Variants in PLCL1 observed in about 807,000 individuals in gnomAD.
PLCL1 encodes the protein phospholipase C like 1 (inactive).
PLCL1 carries 41 observed loss-of-function variants against 84.4 expected under a neutral mutation model. The ratio of observed to expected loss-of-function variants is 0.49; its 90% CI spans 0.38 to 0.63. The LOEUF (loss-of-function observed/expected upper bound fraction) is 0.63. Ranked by LOEUF, PLCL1 falls within the 30% of genes least tolerant of loss-of-function variation. The probability of loss-of-function intolerance (pLI) is 0.00; values close to 1 mark genes in which losing one functional copy is unlikely to be tolerated. For synonymous variants in PLCL1, 490 were observed against 488.3 expected (o/e 1.00, Z -0.05); for missense variants, 1,206 against 1,367.8 (o/e 0.88, Z 1.87).
intron 1 of PLCL1, among the ~76,000 whole-genome samples, chr2:198,062,422 G>A (rs532573660): frequency 7.2e-5 from 11 of 152,194 alleles, no homozygotes; most frequent in African/African-American, 2.2e-4. Flanking sequence ...CAATTTATAC[G>A]TAACTCAATT....
In PLCL1 at chr2:197,805,132, G is replaced by A. The variant is rs1309124656; in HGVS notation, c.33G>A (p.Pro11=). 2.7e-5 allele frequency: 35 copies of A among 1,313,648 alleles called. No individual in the cohort carries two copies. The highest frequency in any genetic ancestry group is 4.2e-5 in the Admixed American group (1 of 24,046). 81.4% of individuals were successfully genotyped at this position (1,313,648 alleles called of 1,614,324 possible). A position where few individuals can be genotyped will look rare whatever the true frequency, so the allele number is the denominator to read the frequency against. MAEGAAGRED[P]APPDAAGGED... is the part of the protein sequence containing the mutation. ...AGGGCGCGGCCGGCAGGGAGGATCC[G>A]GCGCCGCCCGACGCGGCGGGGGGCG... The change falls in exon 1 of 6, where the codon CCG becomes CCA. Residue 11 remains proline (P), a synonymous_variant. Transcript: ENST00000428675. The surrounding 1 kb of genome is among the most constrained non-coding windows in gnomAD (Gnocchi z 4.0).
At chr2:198,087,731 C>A (rs1046583459) in intron 2 of PLCL1, among the ~76,000 whole-genome samples, 2 of 152,034 alleles carry the variant, frequency 1.3e-5, no homozygotes, top group South Asian at 2.1e-4. Flanking sequence ...GTGATGCATA[C>A]CCCATTCTTC....
At position 197,957,041 on chromosome 2, in the gene PLCL1, A is replaced by G. The variant is rs185431236; in HGVS notation, c.241-126717A>G. The stretch of plus-strand genomic sequence containing the variant: ...TTGGTTATTCTCTGTTTTTCCCTTC[A>G]TAGGCATTTGCTTGTGCCACCTCTT... On this transcript the variant is annotated intron_variant, in intron 1 of 5. Coordinates refer to ENST00000428675, the MANE Select transcript of PLCL1 (RefSeq NM_006226.4). Among the ~76,000 whole-genome samples the G allele has an allele frequency of 3.0e-4, 45 of 152,002 alleles. No homozygotes were observed. The East Asian group carries it at 8.7e-3, about 29-fold the overall frequency.
intron 1 of PLCL1, among the ~76,000 whole-genome samples, chr2:197,898,860 C>T (rs950367049): frequency 2.0e-5 from 3 of 151,500 alleles, no homozygotes; most frequent in Non-Finnish European, 4.4e-5. Flanking sequence ...GTATTTACTT[C>T]GAAAAGTTGT....
rs541191926 is a variant in PLCL1 at position 198,077,790 on chromosome 2, C to G, written c.241-5968C>G. ...CCATGGCCCAAAGTAAACTTAGTTTCCACTTCAACTTCACTTCCCCTGATA... is the reference window on the plus strand; with the variant it reads ...CCATGGCCCAAAGTAAACTTAGTTTGCACTTCAACTTCACTTCCCCTGATA... On this transcript the variant is annotated intron_variant, in intron 1 of 5. Coordinates refer to ENST00000428675, the MANE Select transcript of PLCL1 (RefSeq NM_006226.4). Among the ~76,000 whole-genome samples, 18 of 152,302 alleles carry G rather than the reference C, an allele frequency of 1.2e-4. 1 individual carries two copies. The South Asian group carries it at 3.5e-3, about 30-fold the overall frequency.
At chr2:198,020,441 G>A (rs978074847) in intron 1 of PLCL1, among the ~76,000 whole-genome samples, 1 of 152,004 alleles carries the variant, frequency 6.6e-6, no homozygotes, top group African/African-American at 2.4e-5. Context: ...ACACAGACTG[G>A]CAAATTGGAT....
chr2:198,095,351 C>T (rs955554689), intron 3 of PLCL1, among the ~76,000 whole-genome samples: 9 of 152,182 alleles, frequency 5.9e-5, no homozygotes, highest in Admixed American at 3.9e-4. Flanking sequence ...TCTTTTAAGG[C>T]TGATAATGTC....
chr2:197,847,604 A>G (rs979753911), intron 1 of PLCL1, among the ~76,000 whole-genome samples: 1 of 152,190 alleles, frequency 6.6e-6, no homozygotes, highest in Non-Finnish European at 1.5e-5. Context: ...TTGGATTTTT[A>G]TGTGGACATG....
At chr2:198,026,071 A>C (rs1160076405) in intron 1 of PLCL1, among the ~76,000 whole-genome samples, 1 of 152,146 alleles carries the variant, frequency 6.6e-6, no homozygotes, top group Non-Finnish European at 1.5e-5. Flanking sequence ...ATTCCTGGGC[A>C]CTGCATCTGC....
chr2:197,922,554 G>A (rs1191989659), intron 1 of PLCL1, among the ~76,000 whole-genome samples: 1 of 131,832 alleles, frequency 7.6e-6, no homozygotes, highest in Admixed American at 7.7e-5. Context: ...GGTGGTGGCC[G>A]GGCAGAGGGG....
intron 1 of PLCL1, among the ~76,000 whole-genome samples, chr2:198,038,911 A>G (rs1691602150): frequency 1.3e-5 from 2 of 151,958 alleles, no homozygotes; most frequent in African/African-American, 4.8e-5. Context: ...CACAAATACC[A>G]GAAACAGAGC....
At chr2:198,113,003 AG>A (rs1468785640) in intron 5 of PLCL1, among the ~76,000 whole-genome samples, 1 of 151,960 alleles carries the variant, frequency 6.6e-6, no homozygotes, top group African/African-American at 2.4e-5. Context: ...TATACACAAA[AG>A]AAAATATTAT....
chr2:197,850,025 CACACAG>C (rs1687199738), intron 1 of PLCL1, among the ~76,000 whole-genome samples: 1 of 130,342 alleles, frequency 7.7e-6, no homozygotes, highest in Non-Finnish European at 1.6e-5. Context: ...CACACAGACA[CACACAG>C]ACACACACAC....
At chr2:198,008,837 C>T (rs1472463808) in intron 1 of PLCL1, among the ~76,000 whole-genome samples, 1 of 152,004 alleles carries the variant, frequency 6.6e-6, no homozygotes, top group African/African-American at 2.4e-5. Context: ...ACAAGGGTTC[C>T]ATCTTCTCTA....
intron 5 of PLCL1, among the ~76,000 whole-genome samples, chr2:198,146,272 G>A (rs921813820): frequency 6.6e-6 from 1 of 152,260 alleles, no homozygotes; most frequent in East Asian, 1.9e-4. Flanking sequence ...GGATGACCCA[G>A]TATATTAAAA....
At chr2:198,102,329 G>A (rs553264296) in intron 4 of PLCL1, among the ~76,000 whole-genome samples, 38 of 152,130 alleles carry the variant, frequency 2.5e-4, no homozygotes, top group Middle Eastern at 3.4e-3. Flanking sequence ...CATGTCACCC[G>A]TGAGGAAACT....
At chr2:198,001,945 C>T (rs554210917) in intron 1 of PLCL1, 6 of 430,168 alleles carry the variant, frequency 1.4e-5, no homozygotes, top group African/African-American at 1.2e-4. Context: ...TCTCCTATCA[C>T]CCCCAGATGG....
At position 197,927,776 on chromosome 2, in the gene PLCL1, A is replaced by G. The variant is rs1007973720; in HGVS notation, c.240+122437A>G. Among the ~76,000 whole-genome samples, 3 of 152,356 alleles carry G rather than the reference A, an allele frequency of 2.0e-5. 1 individual carries two copies. Among genetic ancestry groups the G allele is most frequent in the Admixed American group, 1.3e-4 (2 of 15,300 alleles). On this transcript the variant is annotated intron_variant, in intron 1 of 5. Coordinates refer to ENST00000428675, the MANE Select transcript of PLCL1 (RefSeq NM_006226.4). The stretch of plus-strand genomic sequence containing the variant: ...TGCATGGGTGAGATACTAAGATGAA[A>G]TAATTTGAGTGTCAAAATCTATGTT...
intron 1 of PLCL1, among the ~76,000 whole-genome samples, chr2:198,016,474 G>C (rs1429430180): frequency 6.6e-6 from 1 of 152,196 alleles, no homozygotes; most frequent in African/African-American, 2.4e-5. Context: ...TGTAAGCACA[G>C]TGGCTGCAGT....
Sources: allele counts gnomAD v4.1 joint callset (sites outside exome capture counted in the v4.1 genomes callset), GRCh38; gene constraint gnomAD v4.1.1; non-coding constraint Gnocchi (gnomAD v3.1); transcripts MANE v1.5; gene names NCBI Gene and HGNC (gene_info 2026-07-23, HGNC 2026-07-21).